MTCL1: variants seen among roughly 807,000 people sequenced by gnomAD.
MTCL1 encodes the protein microtubule cross-linking factor 1.
A neutral mutation model predicts 141.4 loss-of-function variants in MTCL1; 79 were observed. That is an observed-to-expected ratio of 0.56 (90% CI 0.47 to 0.67). The LOEUF (loss-of-function observed/expected upper bound fraction) is 0.67, where lower values mean the gene tolerates loss of function less well. Ranked by LOEUF, MTCL1 falls within the 30% of genes least tolerant of loss-of-function variation. The pLI is 0.00. For missense variants in MTCL1, 2,177 were observed against 2,113.9 expected (o/e 1.03, Z -0.59); for synonymous variants, 914 against 875.8 (o/e 1.04, Z -0.77).
At chr18:8,770,776 G>A (rs916918428) in intron 4 of MTCL1, among the ~76,000 whole-genome samples, 1 of 152,136 alleles carries the variant, frequency 6.6e-6, no homozygotes, top group African/African-American at 2.4e-5. Context: ...AGGCCAAGGA[G>A]AAAGGGTTTC....
Position 8,756,409 on chromosome 18 carries a change from GTATATGTGTA to G in MTCL1, c.358-21406_358-21397del, listed in dbSNP as rs1404125979. On this transcript the variant is annotated intron_variant, in intron 4 of 16. Coordinates refer to ENST00000359865, the Ensembl canonical transcript of MTCL1. Reference sequence around the variant, plus strand: ...TATGTGTATATATGTATATATGTGTGTATATGTGTATATATGTGTATATATGTATATATGT... The same window carrying G: ...TATGTGTATATATGTATATATGTGTGTATATGTGTATATATGTATATATGT... Among the ~76,000 whole-genome samples the G allele has an allele frequency of 9.7e-3, 1,440 of 147,794 alleles. 34 individuals carry two copies. Among genetic ancestry groups the G allele is most frequent in the African/African-American group, 0.034 (1,323 of 39,416 alleles).
intron 8 of MTCL1, among the ~76,000 whole-genome samples, chr18:8,793,782 A>G (rs1168355828): frequency 6.6e-6 from 1 of 152,224 alleles, no homozygotes; most frequent in East Asian, 1.9e-4. Context: ...CTTGAAAGAT[A>G]GCTATGTCTT....
At chr18:8,709,047 C>T (rs1437843536) in intron 1 of MTCL1, among the ~76,000 whole-genome samples, 1 of 152,212 alleles carries the variant, frequency 6.6e-6, no homozygotes. Context: ...GTCGTGGAGC[C>T]TGCCCACATG....
At chr18:8,748,972 G>C (rs1049428643) in intron 4 of MTCL1, among the ~76,000 whole-genome samples, 1 of 152,158 alleles carries the variant, frequency 6.6e-6, no homozygotes, top group Non-Finnish European at 1.5e-5. Flanking sequence ...GGTGTCCTCT[G>C]TTCACTCTGC....
chr18:8,784,148 A>G (rs2096542192), exon 6 of MTCL1: 1 of 1,613,742 alleles, frequency 6.2e-7, no homozygotes. Context: ...GCTGCAGATC[A>G]GCGAGCTCAG....
At chr18:8,727,945 G>A (rs753364752) in intron 4 of MTCL1, among the ~76,000 whole-genome samples, 47 of 139,952 alleles carry the variant, frequency 3.4e-4, no homozygotes, top group Non-Finnish European at 5.7e-4. Flanking sequence ...TTAATTCTGT[G>A]TCTTAGTTGG....
chr18:8,820,531 A>C (rs1371519684), intron 13 of MTCL1, among the ~76,000 whole-genome samples: 3 of 152,246 alleles, frequency 2.0e-5, no homozygotes, highest in Non-Finnish European at 4.4e-5. Context: ...GTGTTATTGA[A>C]GTATGCAGAA....
chr18:8,790,540 G>T (rs28521507), intron 7 of MTCL1, among the ~76,000 whole-genome samples: 1,832 of 152,328 alleles, frequency 0.012, 37 homozygotes, highest in African/African-American at 0.042. Flanking sequence ...AGCCCCAAGG[G>T]CAGATGTGGC....
chr18:8,774,277 T>TGTA (rs1260605558), intron 4 of MTCL1, among the ~76,000 whole-genome samples: 7 of 151,362 alleles, frequency 4.6e-5, no homozygotes, highest in African/African-American at 1.7e-4. Flanking sequence ...TGTGTGTGTA[T>TGTA]TTTTTTTTAA....
intron 16 of MTCL1, chr18:8,831,358 A>T (rs1212684055): frequency 7.5e-7 from 1 of 1,326,000 alleles, no homozygotes; most frequent in African/African-American, 1.5e-5. Flanking sequence ...TTGCAAGCTG[A>T]CTCATCTCAC....
chr18:8,791,200 G>A (rs1406404214), intron 7 of MTCL1, among the ~76,000 whole-genome samples: 2 of 152,124 alleles, frequency 1.3e-5, no homozygotes, highest in African/African-American at 2.4e-5. Flanking sequence ...AACAAGAGAA[G>A]CATCTGCCTG....
chr18:8,821,136 G>T (rs541828675), intron 13 of MTCL1, among the ~76,000 whole-genome samples: 2 of 152,160 alleles, frequency 1.3e-5, no homozygotes, highest in African/African-American at 2.4e-5. Flanking sequence ...TACAAATCCC[G>T]CTTTGAAATT....
intron 11 of MTCL1, among the ~76,000 whole-genome samples, chr18:8,811,673 C>T (rs1330943609): frequency 6.6e-6 from 1 of 152,166 alleles, no homozygotes; most frequent in Non-Finnish European, 1.5e-5. Context: ...TGGTTACTGA[C>T]TTACCATGTC....
At chr18:8,707,482 C>T (rs1433901712) in intron 1 of MTCL1, 4 of 152,752 alleles carry the variant, frequency 2.6e-5, no homozygotes, top group African/African-American at 9.6e-5. Context: ...CGCCTTAGCA[C>T]TGGGTGCTTA....
chr18:8,777,844 A>G (rs2143311876), exon 5 of MTCL1: 1 of 1,613,900 alleles, frequency 6.2e-7, no homozygotes, highest in Non-Finnish European at 8.5e-7. Flanking sequence ...GTTCCCTAAA[A>G]AGAAGAAGCA....
chr18:8,756,200 C>A (rs2148975619), intron 4 of MTCL1, among the ~76,000 whole-genome samples: 1 of 152,292 alleles, frequency 6.6e-6, no homozygotes, highest in Non-Finnish European at 1.5e-5. Flanking sequence ...TCTTGTAGGT[C>A]AGGGCCTTTC....
At chr18:8,788,128 A>G (rs1036489212) in intron 7 of MTCL1, among the ~76,000 whole-genome samples, 3 of 152,230 alleles carry the variant, frequency 2.0e-5, no homozygotes, top group African/African-American at 7.2e-5. Flanking sequence ...AAGTCAGCCC[A>G]GCAGCCCGGC....
At chr18:8,716,871 C>G (rs2096131649), upstream of MTCL1, among the ~76,000 whole-genome samples, 1 of 152,102 alleles carries the variant, frequency 6.6e-6, no homozygotes, top group South Asian at 2.1e-4. Flanking sequence ...AGAATGTTTC[C>G]TTAATCTTCC....
chr18:8,759,656 C>T (rs668711), intron 4 of MTCL1, among the ~76,000 whole-genome samples: 40,139 of 152,098 alleles, frequency 0.26, 5,540 homozygotes, highest in Middle Eastern at 0.39. Context: ...AGGGAGTTGC[C>T]CTTCCAAGCC....
Sources: allele counts gnomAD v4.1 joint callset (sites outside exome capture counted in the v4.1 genomes callset), GRCh38; gene constraint gnomAD v4.1.1; transcripts MANE v1.5; gene names NCBI Gene and HGNC (gene_info 2026-07-23, HGNC 2026-07-21).